The following TRPM3 variants were observed in gnomAD, a reference collection of about 807,000 sequenced individuals.
TRPM3 encodes long transient receptor potential channel 3.
Under a neutral mutation model 181.2 loss-of-function variants are expected in TRPM3, and 77 were observed. That is an observed-to-expected ratio of 0.42 (90% CI 0.35 to 0.51). The LOEUF is 0.51. Among genes scored for constraint, TRPM3 ranks in the 20% least tolerant of loss-of-function variants. The pLI is 0.01. For synonymous variants in TRPM3, 745 were observed against 796.4 expected (o/e 0.94, Z 1.09); for missense variants, 1,759 against 2,196.7 (o/e 0.80, Z 3.98).
At chr9:70,646,529 G>A (rs2133702644) in intron 9 of TRPM3, among the ~76,000 whole-genome samples, 2 of 152,216 alleles carry the variant, frequency 1.3e-5, no homozygotes, top group East Asian at 1.9e-4. Context: ...GAGAACACAT[G>A]GGCACAGGGA....
intron 1 of TRPM3, among the ~76,000 whole-genome samples, chr9:71,208,493 G>T (rs2079268005): frequency 6.6e-6 from 1 of 152,106 alleles, no homozygotes; most frequent in Non-Finnish European, 1.5e-5. Flanking sequence ...GTTGGTGTTG[G>T]TATTCTTAAG....
intron 1 of TRPM3, among the ~76,000 whole-genome samples, chr9:71,429,582 A>G (rs1201523366): frequency 6.6e-6 from 1 of 152,222 alleles, no homozygotes; most frequent in Non-Finnish European, 1.5e-5. Context: ...CACAGCTTCC[A>G]GTATCCTAAA....
At chr9:71,323,765 A>C (rs2089444988) in intron 1 of TRPM3, among the ~76,000 whole-genome samples, 1 of 152,172 alleles carries the variant, frequency 6.6e-6, no homozygotes, top group Non-Finnish European at 1.5e-5. Context: ...TTGACACGTT[A>C]AGATGAGAGG....
chr9:70,992,446 G>A (rs2097497098), intron 1 of TRPM3, among the ~76,000 whole-genome samples: 1 of 152,178 alleles, frequency 6.6e-6, no homozygotes, highest in South Asian at 2.1e-4. Flanking sequence ...ATTTATGAGA[G>A]TCTACTATGT....
chr9:71,214,660 T>C (rs1190624633), intron 1 of TRPM3, among the ~76,000 whole-genome samples: 1 of 152,158 alleles, frequency 6.6e-6, no homozygotes, highest in South Asian at 2.1e-4. Context: ...GGCCAAACTG[T>C]TGGACATGAT....
intron 1 of TRPM3, among the ~76,000 whole-genome samples, chr9:71,001,490 C>T (rs1217137589): frequency 2.0e-5 from 3 of 152,160 alleles, no homozygotes; most frequent in Non-Finnish European, 4.4e-5. Context: ...GTTACTTTTC[C>T]TACCGATCCA....
chr9:70,976,845 A>G (rs141111368), intron 1 of TRPM3, among the ~76,000 whole-genome samples: 1 of 152,282 alleles, frequency 6.6e-6, no homozygotes, highest in East Asian at 1.9e-4. Flanking sequence ...CAAAAGTGGT[A>G]GTTATTAATG....
chr9:70,745,340 T>C (rs2074961586), intron 8 of TRPM3, among the ~76,000 whole-genome samples: 1 of 152,120 alleles, frequency 6.6e-6, no homozygotes, highest in African/African-American at 2.4e-5. Context: ...AAAATAATGA[T>C]ATTCTAATAA....
At chr9:71,346,511 C>T (rs2091302248) in intron 1 of TRPM3, among the ~76,000 whole-genome samples, 1 of 152,120 alleles carries the variant, frequency 6.6e-6, no homozygotes, top group Non-Finnish European at 1.5e-5. Flanking sequence ...GTGCTAAACT[C>T]TTTGCAAGGG....
chr9:70,580,802 C>T (rs2055448630), intron 22 of TRPM3, among the ~76,000 whole-genome samples: 1 of 152,216 alleles, frequency 6.6e-6, no homozygotes, highest in Non-Finnish European at 1.5e-5. Flanking sequence ...TTCTCTTCCC[C>T]TTTTCCTACT....
chr9:71,205,276 T>C (rs1455358705), intron 1 of TRPM3, among the ~76,000 whole-genome samples: 1 of 152,014 alleles, frequency 6.6e-6, no homozygotes, highest in African/African-American at 2.4e-5. Context: ...ATTTCAAAGA[T>C]CGAGTGTTGA....
chr9:71,177,496 C>T (rs922135195), intron 1 of TRPM3, among the ~76,000 whole-genome samples: 22 of 152,186 alleles, frequency 1.4e-4, no homozygotes, highest in African/African-American at 4.6e-4. Flanking sequence ...ACAATGTTTG[C>T]ACAATGACAA....
chr9:70,561,730 C>T (rs2049144081), intron 22 of TRPM3, among the ~76,000 whole-genome samples: 1 of 152,144 alleles, frequency 6.6e-6, no homozygotes, highest in African/African-American at 2.4e-5. Flanking sequence ...GCCTTGGTTT[C>T]TCCATCCATG....
Position 71,177,295 on chromosome 9 carries a change from A to G in TRPM3, c.183+269358T>C, listed in dbSNP as rs562214014. On this transcript the variant is annotated intron_variant, in intron 1 of 24. Transcript: ENST00000357533. ...ATTATTTCAATATATATTACAATGT[A>G]ATGATAATATAAAGTGCACAATAAA... 2.7e-3 allele frequency among the ~76,000 whole-genome samples: 415 copies of G among 152,234 alleles called. 2 individuals are homozygous for G. The highest frequency in any genetic ancestry group is 4.9e-3 in the Non-Finnish European group (333 of 68,018).
intron 25 of TRPM3, among the ~76,000 whole-genome samples, chr9:70,540,641 A>G (rs1047636678): frequency 6.6e-6 from 1 of 152,244 alleles, no homozygotes; most frequent in East Asian, 1.9e-4. Context: ...TTGAGAGTGC[A>G]GTGAGCTATG....
At chr9:70,892,644 C>T (rs906485382) in intron 1 of TRPM3, among the ~76,000 whole-genome samples, 3 of 149,442 alleles carry the variant, frequency 2.0e-5, no homozygotes, top group Admixed American at 2.0e-4. Flanking sequence ...AATCTGCAAG[C>T]ATTTATGAGA....
At chr9:71,163,327 G>C (rs1204486226) in intron 1 of TRPM3, among the ~76,000 whole-genome samples, 1 of 151,672 alleles carries the variant, frequency 6.6e-6, no homozygotes, top group Non-Finnish European at 1.5e-5. Context: ...GGGGAAACAA[G>C]ATATAGGTAG....
intron 1 of TRPM3, among the ~76,000 whole-genome samples, chr9:70,873,950 A>T (rs2095832286): frequency 6.6e-6 from 1 of 151,874 alleles, no homozygotes; most frequent in Non-Finnish European, 1.5e-5. Context: ...ACCCTAGGGG[A>T]ATAATCTCTT....
chr9:70,859,769 C>A (rs1471077387), intron 3 of TRPM3, among the ~76,000 whole-genome samples: 2 of 151,842 alleles, frequency 1.3e-5, no homozygotes, highest in Non-Finnish European at 2.9e-5. Context: ...TGGTTTTGTC[C>A]CCCGTAATAG....
Sources: allele counts gnomAD v4.1 joint callset (sites outside exome capture counted in the v4.1 genomes callset), GRCh38; gene constraint gnomAD v4.1.1; transcripts MANE v1.5; gene names NCBI Gene and HGNC (gene_info 2026-07-23, HGNC 2026-07-21).